The following GFRA1 variants were observed in gnomAD, a reference collection of about 807,000 sequenced individuals.
GFRA1 encodes the protein GDNF family receptor alpha 1, also known as GDNF family receptor alpha-1.
In GFRA1, 16 loss-of-function variants were observed where a neutral mutation model predicts 51.6. The observed-to-expected ratio is 0.31, with a 90% confidence interval of 0.21 to 0.47. GFRA1 has a LOEUF of 0.47. Among genes scored for constraint, GFRA1 ranks in the 20% least tolerant of loss-of-function variants. GFRA1 has a pLI of 1.00. For missense variants in GFRA1, 530 were observed against 594.3 expected (o/e 0.89, Z 1.13); for synonymous variants, 270 against 241.3 (o/e 1.12, Z -1.10).
intron 6 of GFRA1, among the ~76,000 whole-genome samples, chr10:116,100,329 G>T (rs1030191729): frequency 6.6e-6 from 1 of 152,200 alleles, no homozygotes; most frequent in Non-Finnish European, 1.5e-5. Flanking sequence ...CCATTTTACA[G>T]ATGAGGAAAC....
At chr10:116,257,632 A>T (rs1589917869) in intron 4 of GFRA1, among the ~76,000 whole-genome samples, 2 of 152,306 alleles carry the variant, frequency 1.3e-5, no homozygotes, top group South Asian at 2.1e-4. Flanking sequence ...TCTGGTCGAG[A>T]AGCATCCAGA....
chr10:116,100,506 G>A (rs1293021364), intron 6 of GFRA1, among the ~76,000 whole-genome samples: 1 of 152,132 alleles, frequency 6.6e-6, no homozygotes, highest in African/African-American at 2.4e-5. Flanking sequence ...AGGATGCCCA[G>A]GCCACAAGAT....
At chr10:116,112,505 T>C (rs904813928) in intron 6 of GFRA1, among the ~76,000 whole-genome samples, 81 of 152,148 alleles carry the variant, frequency 5.3e-4, no homozygotes, top group African/African-American at 2.0e-3. Context: ...GCACCAGAGG[T>C]TGCCCTGTGG....
At chr10:116,133,672 T>G (rs1466119859) in intron 5 of GFRA1, among the ~76,000 whole-genome samples, 1 of 152,258 alleles carries the variant, frequency 6.6e-6, no homozygotes, top group Non-Finnish European at 1.5e-5. Context: ...AATGTGGTGA[T>G]GAGGGACAGA....
intron 5 of GFRA1, among the ~76,000 whole-genome samples, chr10:116,166,569 G>A (rs887198320): frequency 6.6e-6 from 1 of 151,916 alleles, no homozygotes; most frequent in South Asian, 2.1e-4. Context: ...TCCCCCGGCC[G>A]TGCAGCCTCT....
chr10:116,156,561 CTTTA>C (rs1959204246), intron 5 of GFRA1, among the ~76,000 whole-genome samples: 1 of 152,210 alleles, frequency 6.6e-6, no homozygotes, highest in Non-Finnish European at 1.5e-5. Flanking sequence ...CCCACTCATT[CTTTA>C]TTTATCATAT....
At position 116,063,927 on chromosome 10, in the gene GFRA1, G is replaced by T; in HGVS notation, c.*471C>A. 5.8e-6 allele frequency: 1 copy of T among 172,396 alleles called. No individual in the cohort carries two copies. The highest frequency in any genetic ancestry group is 1.3e-5 in the Non-Finnish European group (1 of 79,994). The allele number at this position is 172,396 out of a possible 1,614,324, so 10.7% of individuals were successfully genotyped here. A position where few individuals can be genotyped will look rare whatever the true frequency, so the allele number is the denominator to read the frequency against. On this transcript the variant is annotated 3_prime_UTR_variant, in exon 11 of 11. Transcript: ENST00000355422. ...GGCAAAAAAGCTTGGCATCAATGTAGGCTGAAATTTATATCATTAGAAATC... is the reference window on the plus strand; with the variant it reads ...GGCAAAAAAGCTTGGCATCAATGTATGCTGAAATTTATATCATTAGAAATC...
intron 5 of GFRA1, among the ~76,000 whole-genome samples, chr10:116,207,635 A>C (rs1201604908): frequency 6.6e-6 from 1 of 152,202 alleles, no homozygotes; most frequent in African/African-American, 2.4e-5. Flanking sequence ...TATCATATGC[A>C]TGTAATACAT....
intron 5 of GFRA1, among the ~76,000 whole-genome samples, chr10:116,153,480 C>T (rs577732698): frequency 6.6e-6 from 1 of 152,150 alleles, no homozygotes; most frequent in Non-Finnish European, 1.5e-5. Context: ...CTTAAATGAC[C>T]CCAGAGTTCC....
At chr10:116,249,045 C>T (rs921717483) in intron 4 of GFRA1, among the ~76,000 whole-genome samples, 1 of 152,182 alleles carries the variant, frequency 6.6e-6, no homozygotes, top group Non-Finnish European at 1.5e-5. Context: ...CACTCTGGCC[C>T]GCCCCTTTGC....
chr10:116,248,245 T>C (rs1394225111), intron 4 of GFRA1, among the ~76,000 whole-genome samples: 1 of 152,170 alleles, frequency 6.6e-6, no homozygotes, highest in East Asian at 1.9e-4. Context: ...CACAGGTTCA[T>C]GGGGCTTTGC....
chr10:116,236,298 C>A (rs1966875438), intron 4 of GFRA1, among the ~76,000 whole-genome samples: 1 of 152,080 alleles, frequency 6.6e-6, no homozygotes, highest in South Asian at 2.1e-4. Context: ...CTGCCTCTGC[C>A]AGGAACCACA....
chr10:116,128,647 A>G (rs1200596266), intron 5 of GFRA1, among the ~76,000 whole-genome samples: 2 of 147,386 alleles, frequency 1.4e-5, no homozygotes, highest in Admixed American at 1.4e-4. Flanking sequence ...AATGGCGTGA[A>G]CCTGGGAGGC....
chr10:116,086,532 T>C (rs2133858067), intron 9 of GFRA1, among the ~76,000 whole-genome samples: 1 of 152,346 alleles, frequency 6.6e-6, no homozygotes, highest in Admixed American at 6.5e-5. Flanking sequence ...GAAATGGGCT[T>C]GGCTGCCTCC....
rs11447649 is a variant in GFRA1, at chr10:116,254,508, T to TAA, written c.418+14993_418+14994dup. ...CAGCAGAGTGAGACCCTGACTCTAT[T>TAA]AAAAAAAAAAAGAAGAAGAAAAAAA... On this transcript the variant is annotated intron_variant, in intron 4 of 10. Coordinates refer to ENST00000355422, the MANE Select transcript of GFRA1 (RefSeq NM_005264.8). Among the ~76,000 whole-genome samples, 1,065 of 145,778 alleles carry TAA rather than the reference T, an allele frequency of 7.3e-3. 10 individuals carry two copies. The highest frequency in any genetic ancestry group is 0.025 in the African/African-American group (1,010 of 39,782).
chr10:116,123,916 T>C (rs1957746646), intron 6 of GFRA1, among the ~76,000 whole-genome samples: 2 of 152,288 alleles, frequency 1.3e-5, no homozygotes, highest in Middle Eastern at 3.4e-3. Flanking sequence ...GTTTGTTGGT[T>C]TGTTTGTTTT....
At chr10:116,079,809 G>T (rs1955773230) in intron 9 of GFRA1, among the ~76,000 whole-genome samples, 2 of 152,134 alleles carry the variant, frequency 1.3e-5, no homozygotes, top group Non-Finnish European at 2.9e-5. Context: ...GACAGGGTTG[G>T]CACAGGGGGG....
rs58442181 is a variant in GFRA1, at chr10:116,092,096, T to TACACACACACACACACACACACAC, written c.1015+1582_1015+1605dup. ...AAAAGAGGAAATATACATACATACG[T>TACACACACACACACACACACACAC]ACACACACACACACACACACACACA... is the stretch of plus-strand genomic sequence containing the variant. On this transcript the variant is annotated intron_variant, in intron 8 of 10. Transcript: ENST00000355422. Among the ~76,000 whole-genome samples the TACACACACACACACACACACACAC allele has an allele frequency of 7.2e-5, 10 of 138,206 alleles. No individual in the cohort carries two copies. The South Asian group carries it at 1.3e-3, about 18-fold the overall frequency. 90.7% of individuals were successfully genotyped at this position (138,206 alleles called of 152,430 possible).
intron 10 of GFRA1, 112 bp from the exon 11 acceptor site, chr10:116,064,656 C>G: frequency 2.1e-6 from 2 of 958,000 alleles, no homozygotes; most frequent in East Asian, 4.8e-5. Context: ...CTCACCAAAG[C>G]TGACCAAGAT....
Sources: allele counts gnomAD v4.1 joint callset (sites outside exome capture counted in the v4.1 genomes callset), GRCh38; gene constraint gnomAD v4.1.1; transcripts MANE v1.5; gene names NCBI Gene and HGNC (gene_info 2026-07-23, HGNC 2026-07-21).